Variants in RPL7A observed in about 807,000 individuals in gnomAD.
RPL7A encodes large ribosomal subunit protein eL8.
For missense variants in RPL7A, 291 were observed against 338.2 expected, an observed-to-expected ratio of 0.86 and a Z score of 1.09; for synonymous variants, 158 against 128.2, an observed-to-expected ratio of 1.23 and a Z score of -1.57.
At chr9:133,348,427 G>C (rs2129978518) in intron 1 of RPL7A, 181 bp downstream of exon 1, 20 of 859,194 alleles carry the variant, frequency 2.3e-5, no homozygotes, top group Non-Finnish European at 3.1e-5. Flanking sequence ...CGGAGACATT[G>C]AGATGGACTA....
Position 133,349,579 on chromosome 9 carries a change from C to G in RPL7A, c.153C>G (p.Leu51=). ...IGQDIQPKRD[L]TRFVKWPRYI... ...AGGACATCCAGCCCAAAAGAGACCT[C>G]ACCCGCTTTGTGAAATGGCCCCGCT... The change falls in exon 3 of 8, where the codon CTC becomes CTG. Residue 51 remains leucine, a synonymous_variant. Transcript: ENST00000323345. The G allele has an allele frequency of 6.2e-7, 1 of 1,614,092 alleles. No homozygotes were observed. Among genetic ancestry groups the G allele is most frequent in the Non-Finnish European group, 8.5e-7 (1 of 1,179,990 alleles).
rs1026570896 is a variant in RPL7A, at chr9:133,348,358, G to C, written c.3+112G>C. The stretch of plus-strand genomic sequence containing the variant: ...TCCTGCTCCTCCTGGCGCTAGGAGA[G>C]CCCCACTCGGTGTGGCACGGAGACA... On this transcript the variant is annotated intron_variant, in intron 1 of 7. Coordinates refer to ENST00000323345, the MANE Select transcript of RPL7A (RefSeq NM_000972.3). 11 of 1,457,358 alleles carry C rather than the reference G, an allele frequency of 7.5e-6. No individual in the cohort carries two copies. The East Asian group carries it at 2.0e-4, about 27-fold the overall frequency. The allele number at this position is 1,457,358 out of a possible 1,614,324, so 90.3% of individuals were successfully genotyped here.
chr9:133,349,752 C>A, intron 3 of RPL7A, 52 bp downstream of exon 3: 1 of 1,605,538 alleles, frequency 6.2e-7, no homozygotes, highest in Non-Finnish European at 8.5e-7. Context: ...TTCCTTATTT[C>A]ATCCAGAACA....
chr9:133,348,367 G>T (rs1779095289), intron 1 of RPL7A, 121 bp downstream of exon 1: 3 of 1,369,158 alleles, frequency 2.2e-6, no homozygotes, highest in East Asian at 4.6e-5. Flanking sequence ...AGCCCCACTC[G>T]GTGTGGCACG....
At chr9:133,349,400 G>T (rs1453940190) in intron 2 of RPL7A, 151 bp from the exon 3 acceptor site, 2 of 1,023,970 alleles carry the variant, frequency 2.0e-6, no homozygotes, top group Admixed American at 3.4e-5. Flanking sequence ...TTTGTGTGCA[G>T]ATGATGTAAA....
chr9:133,348,276 A>G (rs2129977616), intron 1 of RPL7A, 30 bp downstream of exon 1: 2 of 1,613,994 alleles, frequency 1.2e-6, no homozygotes, highest in South Asian at 1.1e-5. Context: ...GTGGCACTAT[A>G]GCCAGGTTCC....
At chr9:133,349,730 C>T (rs2129988304) in intron 3 of RPL7A, 30 bp downstream of exon 3, 3 of 1,611,006 alleles carry the variant, frequency 1.9e-6, no homozygotes, top group South Asian at 1.1e-5. Flanking sequence ...AAAGGAGTTT[C>T]TCAGGCAAGG....
intron 6 of RPL7A, 39 bp from the exon 7 acceptor site, chr9:133,350,963 G>A: frequency 6.2e-7 from 1 of 1,607,542 alleles, no homozygotes. Flanking sequence ...GGGAAACTAA[G>A]GCAAAAAACC....
rs1484995117 is a variant in RPL7A at position 133,349,190 on chromosome 9, ATGCTTCT to A, written c.124+154_124+160del. ...CTCTTAGAGACGGGGGCAATGATAC[ATGCTTCT>A]TGCTTTCATTGGGAGTTGCTGAGCG... On this transcript the variant is annotated intron_variant, in intron 2 of 7. Coordinates refer to ENST00000323345, the MANE Select transcript of RPL7A (RefSeq NM_000972.3). 9 of 1,002,624 alleles carry A rather than the reference ATGCTTCT, an allele frequency of 9.0e-6. No individual in the cohort carries two copies. The Admixed American group carries it at 1.4e-4, about 16-fold the overall frequency. 62.1% of individuals were successfully genotyped at this position (1,002,624 alleles called of 1,614,324 possible). A position where few individuals can be genotyped will look rare whatever the true frequency, so the allele number is the denominator to read the frequency against.
intron 4 of RPL7A, 86 bp downstream of exon 4, chr9:133,350,138 G>A: frequency 6.2e-7 from 1 of 1,613,388 alleles, no homozygotes; most frequent in Non-Finnish European, 8.5e-7. Flanking sequence ...ACTGTGAAGA[G>A]TAAAACCGAG....
chr9:133,348,459 G>A (rs1836276503), intron 1 of RPL7A: 1 of 664,692 alleles, frequency 1.5e-6, no homozygotes. Flanking sequence ...GGCCGAGAGC[G>A]GAATGCGTTG....
chr9:133,349,937 C>A lies in RPL7A; in HGVS notation c.300C>A (p.His100Gln). Reference sequence around the variant, plus strand: ...CTACTCAGCTGCTTAAGCTGGCCCACAAGTACAGACCAGAGACAAAGCAAG... The same window carrying A: ...CTACTCAGCTGCTTAAGCTGGCCCAAAAGTACAGACCAGAGACAAAGCAAG... ...QTATQLLKLA[H>Q]KYRPETKQEK... The change falls in exon 4 of 8, where the codon CAC (histidine) becomes CAA (glutamine). Residue 100 changes from histidine (H) to glutamine (Q), a missense_variant. Transcript: ENST00000323345. 4 of 1,611,694 alleles carry A rather than the reference C, an allele frequency of 2.5e-6. No individual in the cohort carries two copies. The highest frequency in any genetic ancestry group is 2.5e-6 in the Non-Finnish European group (3 of 1,180,008).
chr9:133,350,120 C>T (rs2129991489), intron 4 of RPL7A, 68 bp downstream of exon 4: 9 of 1,613,380 alleles, frequency 5.6e-6, no homozygotes, highest in East Asian at 4.5e-5. Context: ...ATTTCTTGGC[C>T]TGAAATTACT....
At chr9:133,350,811 A>C in intron 6 of RPL7A, 84 bp downstream of exon 6, 1 of 1,587,156 alleles carries the variant, frequency 6.3e-7, no homozygotes, top group Non-Finnish European at 8.6e-7. Flanking sequence ...TTAAAGGCCA[A>C]TCTTTTAGTT....
Position 133,349,919 on chromosome 9 carries a change from G to A in RPL7A, c.282G>A (p.Gln94=). Residue 94 remains glutamine, a synonymous_variant, in exon 4 of 8, where the codon CAG becomes CAA. Coordinates refer to ENST00000323345, the MANE Select transcript of RPL7A (RefSeq NM_000972.3). ...TGAAGAGTGTTTTTCCAGCTACTCA[G>A]CTGCTTAAGCTGGCCCACAAGTACA... ...TQALDRQTAT[Q]LLKLAHKYRP... 1.2e-6 allele frequency: 2 copies of A among 1,611,428 alleles called. No homozygotes were observed. Among genetic ancestry groups the A allele is most frequent in the South Asian group, 1.1e-5 (1 of 90,968 alleles).
At chr9:133,350,098 C>G (rs2129991308) in intron 4 of RPL7A, 46 bp downstream of exon 4, 25 of 1,613,692 alleles carry the variant, frequency 1.5e-5, no homozygotes, top group Non-Finnish European at 2.1e-5. Flanking sequence ...CGGGCTGTTG[C>G]AGTGATGTAA....
In RPL7A at chr9:133,350,754, T is replaced by A. The variant is rs2129995896; in HGVS notation, c.626+27T>A. On this transcript the variant is annotated intron_variant, in intron 6 of 7. Coordinates refer to ENST00000323345, the MANE Select transcript of RPL7A (RefSeq NM_000972.3). ...TAAGTACACAGCCTGGCCCCAAACT[T>A]CCCCCCAGTTCATTTAATCCATGCC... The A allele has an allele frequency of 1.2e-5, 19 of 1,608,120 alleles. 2 individuals are homozygous for A. The South Asian group carries it at 2.1e-4, about 18-fold the overall frequency.
At chr9:133,349,233 T>C (rs1159879649) in intron 2 of RPL7A, among the ~76,000 whole-genome samples, 191 bp downstream of exon 2, 1 of 152,170 alleles carries the variant, frequency 6.6e-6, no homozygotes, top group East Asian at 1.9e-4. Flanking sequence ...AGCATTCAGC[T>C]CAATATGGTA....
At chr9:133,350,822 T>A in intron 6 of RPL7A, 95 bp downstream of exon 6, 2 of 1,576,216 alleles carry the variant, frequency 1.3e-6, no homozygotes, top group Non-Finnish European at 1.7e-6. Flanking sequence ...TCTTTTAGTT[T>A]AAGAAATATA....
Sources: gnomAD v4.1 joint callset for allele counts (sites outside exome capture counted in the v4.1 genomes callset) on GRCh38, gnomAD v4.1.1 for gene constraint, MANE v1.5 for transcripts, NCBI Gene and HGNC (gene_info 2026-07-23, HGNC 2026-07-21) for gene names.